PTPN22: variants seen among roughly 807,000 people sequenced by gnomAD.
PTPN22 encodes tyrosine-protein phosphatase non-receptor type 22.
A neutral mutation model predicts 103.3 loss-of-function variants in PTPN22; 85 were observed. The observed-to-expected ratio is 0.82, with a 90% CI of 0.69 to 0.99. The LOEUF (loss-of-function observed/expected upper bound fraction) is 0.99. PTPN22 is among the 50% of genes least tolerant of loss of function. PTPN22 has a pLI of 0.00. For synonymous variants in PTPN22, 323 were observed against 310.2 expected (o/e 1.04, Z -0.43); for missense variants, 865 against 936.9 (o/e 0.92, Z 1.00).
intron 15 of PTPN22, among the ~76,000 whole-genome samples, chr1:113,833,648 G>T (rs922860719): frequency 5.9e-5 from 9 of 152,054 alleles, no homozygotes; most frequent in African/African-American, 2.2e-4. Context: ...TAAGAGAATT[G>T]GTTCACAGAC....
At chr1:113,858,706 C>A in intron 3 of PTPN22, 133 bp from the exon 4 acceptor site, 1 of 691,698 alleles carries the variant, frequency 1.4e-6, no homozygotes, top group Non-Finnish European at 2.4e-6. Flanking sequence ...GTGGCATAAT[C>A]ACAGCTCACT....
chr1:113,821,333 GT>G (rs973459393), intron 19 of PTPN22, among the ~76,000 whole-genome samples: 1 of 151,424 alleles, frequency 6.6e-6, no homozygotes, highest in Non-Finnish European at 1.5e-5. Context: ...TTGTTTTGGG[GT>G]TTTTTTTGAG....
At chr1:113,871,701 CA>C (rs34778759) in exon 1 of PTPN22, 45 of 1,253,104 alleles carry the variant, frequency 3.6e-5, no homozygotes, top group Non-Finnish European at 1.2e-5. Flanking sequence ...GAGACACCTC[CA>C]AAAAGCCACT....
intron 11 of PTPN22, among the ~76,000 whole-genome samples, chr1:113,845,807 T>G (rs577519518): frequency 6.6e-6 from 1 of 152,350 alleles, no homozygotes; most frequent in East Asian, 1.9e-4. Context: ...TATTTTGCAA[T>G]TTCATTGTTT....
At chr1:113,867,289 A>T (rs1352914001) in intron 1 of PTPN22, among the ~76,000 whole-genome samples, 1 of 152,230 alleles carries the variant, frequency 6.6e-6, no homozygotes, top group Non-Finnish European at 1.5e-5. Context: ...TCATTGGATG[A>T]AGTAGAACAC....
At position 113,833,929 on chromosome 1, in the gene PTPN22, T is replaced by C. The variant is rs114368557; in HGVS notation, c.2025+380A>G. 2.3e-3 allele frequency among the ~76,000 whole-genome samples: 345 copies of C among 152,346 alleles called. 4 individuals carry two copies. Among genetic ancestry groups the C allele is most frequent in the African/African-American group, 7.9e-3 (330 of 41,580 alleles). The stretch of plus-strand genomic sequence containing the variant: ...CCTACTTAAGTATGAAACATTTATT[T>C]TTGCCTTAACTATCCTTCAAGAATC... On this transcript the variant is annotated intron_variant, in intron 15 of 20. Transcript: ENST00000359785.
chr1:113,851,189 G>A (rs565070236), intron 10 of PTPN22, among the ~76,000 whole-genome samples: 2 of 149,682 alleles, frequency 1.3e-5, no homozygotes, highest in Non-Finnish European at 3.0e-5. Context: ...GTCTCACTCT[G>A]TTACCCAGGC....
At chr1:113,814,490 A>G (rs933925950) in exon 21 of PTPN22, 5 of 161,814 alleles carry the variant, frequency 3.1e-5, no homozygotes, top group Non-Finnish European at 5.4e-5. Context: ...GCAACCCACA[A>G]AGTAAGTTTT....
exon 13 of PTPN22, chr1:113,838,134 A>T (rs1435654288): frequency 6.2e-6 from 10 of 1,614,124 alleles, no homozygotes; most frequent in Non-Finnish European, 8.5e-6. Flanking sequence ...AACATCCCTC[A>T]AACAAAAGAG....
At position 113,853,258 on chromosome 1, in the gene PTPN22, A is replaced by G. The variant is rs550003459; in HGVS notation, c.751-1154T>C. ...CAGCCAAGTTTGCTTGGTTTTGATT[A>G]GAATTGTCAACTCAGAATGGCAACA... On this transcript the variant is annotated intron_variant, in intron 9 of 20. Transcript: ENST00000359785. Among the ~76,000 whole-genome samples, 3 of 152,242 alleles carry G rather than the reference A, an allele frequency of 2.0e-5. No homozygotes were observed. The South Asian group carries it at 6.2e-4, about 32-fold the overall frequency.
intron 16 of PTPN22, chr1:113,832,820 G>C (rs1662661950): frequency 7.0e-6 from 2 of 284,348 alleles, no homozygotes; most frequent in Non-Finnish European, 1.3e-5. Context: ...ACTGTTAACA[G>C]TGGGAAAATC....
chr1:113,856,757 C>T (rs1665117641), intron 5 of PTPN22, 138 bp from the exon 6 acceptor site: 1 of 1,025,006 alleles, frequency 9.8e-7, no homozygotes, highest in East Asian at 2.6e-5. Context: ...TCAACCCCTA[C>T]ATTATTGGAA....
At chr1:113,824,107 T>TTC (rs1458419764) in intron 19 of PTPN22, among the ~76,000 whole-genome samples, 1 of 29,758 alleles carries the variant, frequency 3.4e-5, no homozygotes, top group East Asian at 2.8e-4. Flanking sequence ...ACCATGGTTC[T>TTC]TTTTTTTTTT....
intron 16 of PTPN22, among the ~76,000 whole-genome samples, chr1:113,830,420 CAAAT>C (rs1662451202): frequency 6.6e-6 from 1 of 151,766 alleles, no homozygotes. Flanking sequence ...CTCTCTTCAA[CAAAT>C]AAATGATGTG....
chr1:113,837,497 CAGAGGAGAAGAGGGA>C (rs1163125225), intron 13 of PTPN22, 78 bp downstream of exon 13: 2 of 823,190 alleles, frequency 2.4e-6, no homozygotes, highest in Admixed American at 2.9e-5. Flanking sequence ...AGAGAAGAAG[CAGAGGAGAAGAGGGA>C]AGAGGAGAAG....
At chr1:113,819,716 C>A in intron 19 of PTPN22, 62 bp from the exon 20 acceptor site, 2 of 1,108,780 alleles carry the variant, frequency 1.8e-6, no homozygotes, top group South Asian at 3.2e-5. Context: ...GACTGTTGAT[C>A]AGATCACATA....
chr1:113,835,017 G>C, intron 13 of PTPN22, 24 bp from the exon 14 acceptor site: 1 of 1,411,064 alleles, frequency 7.1e-7, no homozygotes, highest in Non-Finnish European at 9.6e-7. Flanking sequence ...CAAAAATATT[G>C]TAACAATTGT....
intron 19 of PTPN22, among the ~76,000 whole-genome samples, chr1:113,822,580 G>C (rs1323149813): frequency 6.6e-6 from 1 of 152,058 alleles, no homozygotes; most frequent in Non-Finnish European, 1.5e-5. Context: ...CAGAGATTTT[G>C]TTCCCTCTAT....
chr1:113,858,634 C>T (rs1665288956), intron 3 of PTPN22, 61 bp from the exon 4 acceptor site: 2 of 1,041,800 alleles, frequency 1.9e-6, no homozygotes, highest in South Asian at 1.6e-5. Flanking sequence ...TCACCTAGTC[C>T]TCCGCTTCCT....
Sources: gnomAD v4.1 joint callset for allele counts (sites outside exome capture counted in the v4.1 genomes callset) on GRCh38, gnomAD v4.1.1 for gene constraint, MANE v1.5 for transcripts, NCBI Gene and HGNC (gene_info 2026-07-23, HGNC 2026-07-21) for gene names.